DNMT1: variants seen among roughly 807,000 people sequenced by gnomAD.
DNMT1 encodes the protein DNA methyltransferase 1.
In DNMT1, 24 loss-of-function variants were observed where a neutral mutation model predicts 205.3. That is an observed-to-expected ratio of 0.12 (90% CI 0.08 to 0.16). The LOEUF (loss-of-function observed/expected upper bound fraction) is 0.16. Among genes scored for constraint, DNMT1 ranks in the 10% least tolerant of loss-of-function variants. DNMT1 has a pLI of 1.00. For missense variants in DNMT1, 1,293 were observed against 2,177.7 expected (o/e 0.59, Z 8.09); for synonymous variants, 817 against 839.8 (o/e 0.97, Z 0.47).
Position 10,173,087 on chromosome 19 carries a change from T to A in DNMT1, c.768+3A>T. 1 of 1,614,206 alleles carries A rather than the reference T, an allele frequency of 6.2e-7. No homozygotes were observed. Among genetic ancestry groups the A allele is most frequent in the Non-Finnish European group, 8.5e-7 (1 of 1,180,028 alleles). On this transcript the variant is annotated splice_donor_region_variant and intron_variant, in intron 9 of 40. Coordinates refer to ENST00000359526, the MANE Select transcript of DNMT1 (RefSeq NM_001130823.3). The stretch of plus-strand genomic sequence containing the variant: ...AACAAACTTAGAGGTGATAGAGCTT[T>A]ACTTTTTCATCTCTTTCTTCTTCCT...
chr19:10,178,916 G>A (rs2038986891), intron 5 of DNMT1, among the ~76,000 whole-genome samples: 1 of 151,750 alleles, frequency 6.6e-6, no homozygotes, highest in Non-Finnish European at 1.5e-5. Flanking sequence ...CATGAGGTCA[G>A]GAGATCGAAA....
At chr19:10,177,195 A>C in intron 6 of DNMT1, 97 bp downstream of exon 6, 1 of 1,124,514 alleles carries the variant, frequency 8.9e-7, no homozygotes, top group Non-Finnish European at 1.3e-6. Flanking sequence ...AAACCTATAC[A>C]ACACGGAAGA....
Position 10,159,356 on chromosome 19 carries a change from C to T in DNMT1, c.1280+302G>A, listed in dbSNP as rs1475990752. On this transcript the variant is annotated intron_variant, in intron 17 of 40. Coordinates refer to ENST00000359526, the MANE Select transcript of DNMT1 (RefSeq NM_001130823.3). This position sits in a 1 kb window ranked among gnomAD's most constrained non-coding sequence, Gnocchi z 5.0. ...TAAGCCTCTCGAGTAGTTGGGATTA[C>T]AGTCGCGTACCACCACACCTGGCTA... Among the ~76,000 whole-genome samples the T allele has an allele frequency of 2.0e-5, 3 of 152,164 alleles. No homozygotes were observed. The highest frequency in any genetic ancestry group is 7.2e-5 in the African/African-American group (3 of 41,448).
chr19:10,169,553 G>A (rs529816717), intron 9 of DNMT1, among the ~76,000 whole-genome samples: 5 of 149,538 alleles, frequency 3.3e-5, no homozygotes, highest in South Asian at 2.1e-4. Context: ...GCGAGATTCC[G>A]TCTCAAAAAA....
At position 10,148,990 on chromosome 19, in the gene DNMT1, C is replaced by T; in HGVS notation, c.2614G>A (p.Glu872Lys). 1 of 1,614,134 alleles carries T rather than the reference C, an allele frequency of 6.2e-7. No individual in the cohort carries two copies. The highest frequency in any genetic ancestry group is 1.1e-5 in the South Asian group (1 of 91,076). ...EGGMDPESLL[E>K]GDDGKTYFYQ... ...AAGTAGGTCTTCCCGTCGTCCCCCTCCAGCAGGGACTCGGGATCCATGCCT... is the reference window on the plus strand; with the variant it reads ...AAGTAGGTCTTCCCGTCGTCCCCCTTCAGCAGGGACTCGGGATCCATGCCT... The change falls in exon 27 of 41, where the codon GAG becomes AAG. Residue 872 changes from glutamate to lysine, a missense_variant. Around this residue, in one of 13 missense-constraint regions of DNMT1, gnomAD observed 112 missense variants for 116.6 expected, o/e 0.96. Transcript: ENST00000359526.
intron 1 of DNMT1, among the ~76,000 whole-genome samples, chr19:10,188,055 T>A (rs1481084981): frequency 1.3e-5 from 2 of 152,136 alleles, no homozygotes; most frequent in Non-Finnish European, 2.9e-5. Context: ...GGCAGGAGGA[T>A]CACTAGAGCC....
At chr19:10,168,566 G>T (rs192353373) in intron 9 of DNMT1, among the ~76,000 whole-genome samples, 46 of 152,242 alleles carry the variant, frequency 3.0e-4, no homozygotes, top group African/African-American at 1.1e-3. Context: ...ACTTGTGCCA[G>T]GTGTTCAAGA....
At chr19:10,173,014 C>G (rs1599386866) in intron 9 of DNMT1, 76 bp downstream of exon 9, 1 of 1,562,602 alleles carries the variant, frequency 6.4e-7, no homozygotes, top group East Asian at 2.2e-5. Flanking sequence ...ACCCCCTGTC[C>G]CCACGTCCTG....
At chr19:10,141,299 G>A (rs2089595978) in intron 30 of DNMT1, 110 bp from the exon 31 acceptor site, 3 of 1,104,256 alleles carry the variant, frequency 2.7e-6, no homozygotes, top group Admixed American at 1.8e-5. Context: ...CCTCAGTGGG[G>A]CCATGACCAA....
intron 9 of DNMT1, among the ~76,000 whole-genome samples, chr19:10,170,830 A>G (rs2038801407): frequency 6.6e-6 from 1 of 151,836 alleles, no homozygotes; most frequent in Admixed American, 6.6e-5. Flanking sequence ...GTCTCACTTT[A>G]TCATCCAGGC....
In DNMT1 at chr19:10,133,508, T is replaced by C; in HGVS notation, c.*159A>G. The C allele has an allele frequency of 3.9e-6, 3 of 772,162 alleles. No homozygotes were observed. Among genetic ancestry groups the C allele is most frequent in the Non-Finnish European group, 6.5e-6 (3 of 463,122 alleles). The allele number at this position is 772,162 out of a possible 1,614,324, so 47.8% of individuals were successfully genotyped here. On this transcript the variant is annotated 3_prime_UTR_variant, in exon 41 of 41. Transcript: ENST00000359526. This position sits in a 1 kb window ranked among gnomAD's most constrained non-coding sequence, Gnocchi z 4.1. The stretch of plus-strand genomic sequence containing the variant: ...CTGCACAATTTGATCACTAAATCAT[T>C]AGTTGATAAGCGAACCTCACACAAC...
chr19:10,158,185 C>T (rs1023963878), intron 17 of DNMT1, among the ~76,000 whole-genome samples: 9 of 152,228 alleles, frequency 5.9e-5, no homozygotes, highest in African/African-American at 2.2e-4. Flanking sequence ...TGGTGAAGGC[C>T]AGAGTGAGGC....
chr19:10,186,347 TA>T (rs1017088623), intron 1 of DNMT1, among the ~76,000 whole-genome samples: 12 of 150,532 alleles, frequency 8.0e-5, no homozygotes, highest in African/African-American at 2.9e-4. Context: ...GGCGGGAGGG[TA>T]ACTTTAGCGA....
chr19:10,142,683 T>G, intron 29 of DNMT1: 1 of 178,414 alleles, frequency 5.6e-6, no homozygotes, highest in South Asian at 1.0e-4. Flanking sequence ...GGTAAAGACC[T>G]CCCCAGTTAG....
In DNMT1 at chr19:10,180,791, T is replaced by C. The variant is rs1477841278; in HGVS notation, c.212A>G (p.Glu71Gly). Residue 71 changes from glutamate (E) to glycine (G), a missense_variant, in exon 3 of 41, where the codon GAA (glutamate) becomes GGA (glycine). Glu to Gly is a moderately conservative substitution (Grantham distance 98). This residue lies in a region of DNMT1 where 394 missense variants were observed against 451.6 expected (regional missense o/e 0.87). Transcript: ENST00000359526. ...GAACTGACTTACCTCGGATAATTCT[T>C]CTTTACGTAATTTGGTTTCCAAGTC... is the stretch of plus-strand genomic sequence containing the variant. ...LCDLETKLRKEELSEEGYLAK... is the reference protein window; with the variant it reads ...LCDLETKLRKGELSEEGYLAK... 3.7e-6 allele frequency: 6 copies of C among 1,614,094 alleles called. No individual in the cohort carries two copies. The Admixed American group carries it at 1.0e-4, about 27-fold the overall frequency.
In DNMT1 at chr19:10,140,658, G is replaced by A. The variant is rs535709179; in HGVS notation, c.3523+123C>T. 1.1e-5 allele frequency: 17 copies of A among 1,560,076 alleles called. No homozygotes were observed. The highest frequency in any genetic ancestry group is 4.5e-5 in the East Asian group (2 of 44,536). ...GCTGGGATTACAGGCGTGCGCCACCGTGCCTGGCCTCGGAAGGAGATTCTT... is the reference window on the plus strand; with the variant it reads ...GCTGGGATTACAGGCGTGCGCCACCATGCCTGGCCTCGGAAGGAGATTCTT... On this transcript the variant is annotated intron_variant, in intron 32 of 40. Transcript: ENST00000359526. This position sits in a 1 kb window ranked among gnomAD's most constrained non-coding sequence, Gnocchi z 8.4.
In DNMT1 at chr19:10,155,868, T is replaced by G. The variant is rs750390469; in HGVS notation, c.1477A>C (p.Ile493Leu). The G allele has an allele frequency of 6.2e-7, 1 of 1,613,610 alleles. No homozygotes were observed. The highest frequency in any genetic ancestry group is 1.7e-5 in the Admixed American group (1 of 59,920). ...ACACACTTACAGGTGCTGAAGCCGATGAGGGCCTTTTCACCTCCATCAAAG... is the reference window on the plus strand; with the variant it reads ...ACACACTTACAGGTGCTGAAGCCGAGGAGGGCCTTTTCACCTCCATCAAAG... ...TGFDGGEKAL[I>L]GFSTSFAEYI... Residue 493 changes from isoleucine to leucine, a missense_variant, in exon 19 of 41, where the codon ATC (isoleucine) becomes CTC (leucine). Transcript: ENST00000359526.
chr19:10,151,565 AC>A lies in DNMT1; in HGVS notation c.2118-21del, dbSNP rs2038342421. The A allele has an allele frequency of 6.2e-7, 1 of 1,613,006 alleles. No homozygotes were observed. Among genetic ancestry groups the A allele is most frequent in the African/African-American group, 1.3e-5 (1 of 74,860 alleles). On this transcript the variant is annotated intron_variant, in intron 23 of 40. Coordinates refer to ENST00000359526, the MANE Select transcript of DNMT1 (RefSeq NM_001130823.3). This position sits in a 1 kb window ranked among gnomAD's most constrained non-coding sequence, Gnocchi z 5.0. ...GGACACCTGCAATGTCACTGGTTAT[AC>A]CTAAGGCCCCTTTTCTAAGTAAGAC...
At chr19:10,172,672 G>A (rs550507407) in intron 9 of DNMT1, among the ~76,000 whole-genome samples, 20 of 151,830 alleles carry the variant, frequency 1.3e-4, no homozygotes, top group Non-Finnish European at 2.4e-4. Context: ...AAAATTAGCC[G>A]AGTATGGCGG....
Sources: allele counts gnomAD v4.1 joint callset (sites outside exome capture counted in the v4.1 genomes callset), GRCh38; gene constraint gnomAD v4.1.1; regional missense constraint gnomAD v4.1.1; non-coding constraint Gnocchi (gnomAD v3.1); transcripts MANE v1.5; gene names NCBI Gene and HGNC (gene_info 2026-07-23, HGNC 2026-07-21).